The following ELMO1 variants were observed in gnomAD, a reference collection of about 807,000 sequenced individuals.
The protein encoded by ELMO1 is engulfment and cell motility protein 1.
Under a neutral mutation model 98.9 loss-of-function variants are expected in ELMO1, and 26 were observed. The ratio of observed to expected loss-of-function variants is 0.26; its 90% CI spans 0.19 to 0.36. The LOEUF is 0.36. Among genes scored for constraint, ELMO1 ranks in the 10% least tolerant of loss-of-function variants. ELMO1 has a pLI of 1.00. For synonymous variants in ELMO1, 346 were observed against 346.0 expected, an observed-to-expected ratio of 1.00 and a Z score of 0.00; for missense variants, 627 against 935.2, an observed-to-expected ratio of 0.67 and a Z score of 4.30.
At chr7:37,112,552 T>A (rs368233731) in intron 14 of ELMO1, among the ~76,000 whole-genome samples, 2 of 152,292 alleles carry the variant, frequency 1.3e-5, no homozygotes, top group East Asian at 1.9e-4. Flanking sequence ...AGTCTTAGAT[T>A]TGAAAAGTCT....
At chr7:37,367,067 C>T (rs1297122464) in intron 1 of ELMO1, among the ~76,000 whole-genome samples, 1 of 152,234 alleles carries the variant, frequency 6.6e-6, no homozygotes, top group Non-Finnish European at 1.5e-5. Flanking sequence ...CTACCAGTTT[C>T]TCCTGTCTTG....
intron 13 of ELMO1, among the ~76,000 whole-genome samples, chr7:37,163,521 G>A (rs1234121900): frequency 8.8e-6 from 1 of 113,744 alleles, no homozygotes; most frequent in African/African-American, 3.2e-5. Context: ...AGTCCCCAGA[G>A]CGTGATGTTC....
At chr7:36,942,171 G>C (rs79348431) in intron 16 of ELMO1, among the ~76,000 whole-genome samples, 20 of 152,284 alleles carry the variant, frequency 1.3e-4, no homozygotes, top group African/African-American at 4.6e-4. Context: ...GCACTCCCCT[G>C]TCAGTCCAGA....
At chr7:36,878,613 T>A (rs1337068244) in intron 18 of ELMO1, among the ~76,000 whole-genome samples, 1 of 152,194 alleles carries the variant, frequency 6.6e-6, no homozygotes, top group Non-Finnish European at 1.5e-5. Context: ...ACACGCACAT[T>A]AATCATGAAC....
chr7:37,109,675 T>A (rs1023017350), intron 14 of ELMO1, among the ~76,000 whole-genome samples: 2 of 152,052 alleles, frequency 1.3e-5, no homozygotes, highest in Admixed American at 6.6e-5. Context: ...CGCCCCCTAA[T>A]AGGATTTCCT....
chr7:37,403,585 C>G (rs1001929319), intron 1 of ELMO1, among the ~76,000 whole-genome samples: 1 of 152,178 alleles, frequency 6.6e-6, no homozygotes, highest in African/African-American at 2.4e-5. Context: ...CACTCTGTCA[C>G]CCAGGCTGGA....
At chr7:37,347,461 C>A (rs1207990428) in intron 1 of ELMO1, among the ~76,000 whole-genome samples, 3 of 152,152 alleles carry the variant, frequency 2.0e-5, no homozygotes, top group Non-Finnish European at 4.4e-5. Context: ...TGGGAGATAA[C>A]TGAATTACAG....
At chr7:37,322,237 G>T (rs905904424) in intron 2 of ELMO1, among the ~76,000 whole-genome samples, 1 of 152,046 alleles carries the variant, frequency 6.6e-6, no homozygotes, top group African/African-American at 2.4e-5. Context: ...CAGCACTTTG[G>T]GAGGCCAAGG....
intron 4 of ELMO1, among the ~76,000 whole-genome samples, chr7:37,288,863 T>C (rs13228241): frequency 3.3e-5 from 5 of 152,238 alleles, no homozygotes; most frequent in Non-Finnish European, 5.9e-5. Flanking sequence ...TTCTGGGTCA[T>C]ACTTGAACCT....
chr7:37,368,191 A>AG (rs570551508), intron 1 of ELMO1, among the ~76,000 whole-genome samples: 1 of 152,212 alleles, frequency 6.6e-6, no homozygotes, highest in African/African-American at 2.4e-5. Flanking sequence ...CATTTTAAGA[A>AG]GGGGGGTGGC....
rs187084927 is a variant in ELMO1 at position 36,933,968 on chromosome 7, A to G, written c.1438-38951T>C. On this transcript the variant is annotated intron_variant, in intron 16 of 21. Transcript: ENST00000310758. ...GCTAAGCCTTTTTTGTTTTGTTTTG[A>G]AAAAGGGTTTGGTATGGAAAGGTCT... is the stretch of plus-strand genomic sequence containing the variant. Among the ~76,000 whole-genome samples the G allele has an allele frequency of 1.3e-4, 20 of 152,234 alleles. No individual in the cohort carries two copies. The East Asian group carries it at 3.7e-3, about 28-fold the overall frequency.
At chr7:37,324,133 C>T (rs748178176) in intron 2 of ELMO1, among the ~76,000 whole-genome samples, 1 of 152,188 alleles carries the variant, frequency 6.6e-6, no homozygotes, top group Non-Finnish European at 1.5e-5. Context: ...CTCTGATGAG[C>T]ACTGGCAGGC....
rs542570892 is a variant in ELMO1, at chr7:37,349,514, C to T, written c.-73-6751G>A. 1.1e-4 allele frequency among the ~76,000 whole-genome samples: 16 copies of T among 152,180 alleles called. No individual in the cohort carries two copies. The South Asian group carries it at 3.1e-3, about 30-fold the overall frequency. On this transcript the variant is annotated intron_variant, in intron 1 of 21. Coordinates refer to ENST00000310758, the MANE Select transcript of ELMO1 (RefSeq NM_014800.11). ...TGTCACCCAGGCTGGAGTGCAGTGG[C>T]ACAATCTCAGCTCACTGTAACCTCC...
At chr7:37,256,862 C>T (rs1795692145) in intron 6 of ELMO1, among the ~76,000 whole-genome samples, 1 of 152,020 alleles carries the variant, frequency 6.6e-6, no homozygotes, top group Admixed American at 6.5e-5. Context: ...GCAGAGTTAT[C>T]AATTCATTCT....
chr7:37,029,052 G>A (rs1410654055), intron 15 of ELMO1, among the ~76,000 whole-genome samples: 1 of 152,106 alleles, frequency 6.6e-6, no homozygotes, highest in Non-Finnish European at 1.5e-5. Flanking sequence ...GTCACAGAGA[G>A]GCTAAGTGAC....
intron 16 of ELMO1, among the ~76,000 whole-genome samples, chr7:36,924,815 C>G (rs1024250684): frequency 2.6e-5 from 4 of 152,034 alleles, no homozygotes; most frequent in Non-Finnish European, 5.9e-5. Flanking sequence ...GCTTGGTGGT[C>G]TGGGGGAATA....
At chr7:37,299,246 T>G (rs1443382318) in intron 4 of ELMO1, among the ~76,000 whole-genome samples, 6 of 149,374 alleles carry the variant, frequency 4.0e-5, no homozygotes, top group East Asian at 4.0e-4. Flanking sequence ...TTCTCCCATT[T>G]TTGTAGGTTG....
intron 6 of ELMO1, among the ~76,000 whole-genome samples, chr7:37,245,993 C>T (rs1794987065): frequency 6.6e-6 from 1 of 152,168 alleles, no homozygotes; most frequent in East Asian, 1.9e-4. Flanking sequence ...CACCAGATCT[C>T]TGGGGAAAAA....
chr7:36,908,096 A>G (rs1330803819), intron 16 of ELMO1, among the ~76,000 whole-genome samples: 3 of 152,252 alleles, frequency 2.0e-5, no homozygotes, highest in Non-Finnish European at 4.4e-5. Flanking sequence ...ACAGCTAAAC[A>G]GAATTTCTAT....
Sources: gnomAD v4.1 joint callset for allele counts (sites outside exome capture counted in the v4.1 genomes callset) on GRCh38, gnomAD v4.1.1 for gene constraint, MANE v1.5 for transcripts, NCBI Gene and HGNC (gene_info 2026-07-23, HGNC 2026-07-21) for gene names.